GRIN3A: variants seen among roughly 807,000 people sequenced by gnomAD.
The protein encoded by GRIN3A is glutamate receptor ionotropic, NMDA 3A.
A neutral mutation model predicts 92.4 loss-of-function variants in GRIN3A; 47 were observed. That is an observed-to-expected ratio of 0.51 (90% CI 0.40 to 0.65). The LOEUF is 0.65. Ranked by LOEUF, GRIN3A falls within the 30% of genes least tolerant of loss-of-function variation. The pLI, the probability that GRIN3A is intolerant of heterozygous loss-of-function variation, is 0.00. For missense variants in GRIN3A, 1,324 were observed against 1,393.1 expected (o/e 0.95, Z 0.79); for synonymous variants, 527 against 540.6 (o/e 0.97, Z 0.35).
chr9:101,692,918 T>C (rs1829638550), intron 1 of GRIN3A, among the ~76,000 whole-genome samples: 2 of 152,180 alleles, frequency 1.3e-5, no homozygotes, highest in African/African-American at 2.4e-5. Flanking sequence ...TGCCCAGAAA[T>C]TGTAATTTAA....
chr9:101,632,128 G>C (rs1316136134), intron 3 of GRIN3A, among the ~76,000 whole-genome samples: 1 of 152,112 alleles, frequency 6.6e-6, no homozygotes, highest in African/African-American at 2.4e-5. Flanking sequence ...CATTTTGCTT[G>C]GTCAGAGCTC....
rs1471810112 is a variant in GRIN3A at position 101,571,505 on chromosome 9, G to T, written c.*1669C>A. On this transcript the variant is annotated 3_prime_UTR_variant, in exon 9 of 9. Coordinates refer to ENST00000361820, the MANE Select transcript of GRIN3A (RefSeq NM_133445.3). ...ATTGTAGGCATTCAAATTGGTTGGG[G>T]GTGGAACAATGAGTCCTGAGAAGAT... 3.9e-5 allele frequency: 6 copies of T among 152,156 alleles called. No homozygotes were observed. Among genetic ancestry groups the T allele is most frequent in the Non-Finnish European group, 8.8e-5 (6 of 68,052 alleles). 9.4% of individuals were successfully genotyped at this position (152,156 alleles called of 1,614,324 possible).
intron 5 of GRIN3A, among the ~76,000 whole-genome samples, chr9:101,622,822 C>T (rs886222992): frequency 3.9e-5 from 6 of 152,004 alleles, no homozygotes; most frequent in African/African-American, 1.5e-4. Flanking sequence ...TTGGGGCCCT[C>T]CCAGTTGTAA....
chr9:101,692,699 T>C (rs890228108), intron 1 of GRIN3A, among the ~76,000 whole-genome samples: 2 of 152,180 alleles, frequency 1.3e-5, no homozygotes, highest in African/African-American at 4.8e-5. Flanking sequence ...CAGAACAGGC[T>C]TTCTACACAG....
intron 3 of GRIN3A, among the ~76,000 whole-genome samples, chr9:101,653,978 C>G (rs1217838114): frequency 1.3e-5 from 2 of 151,656 alleles, no homozygotes; most frequent in Non-Finnish European, 2.9e-5. Context: ...TGGTTAGGAG[C>G]TCTTTCTGGG....
intron 1 of GRIN3A, among the ~76,000 whole-genome samples, chr9:101,728,436 G>A: frequency 6.6e-6 from 1 of 152,078 alleles, no homozygotes; most frequent in Non-Finnish European, 1.5e-5. Context: ...CTATTGTTTG[G>A]AACCGTAGAG....
At chr9:101,610,859 G>T (rs1270079972) in intron 6 of GRIN3A, among the ~76,000 whole-genome samples, 1 of 152,084 alleles carries the variant, frequency 6.6e-6, no homozygotes, top group Non-Finnish European at 1.5e-5. Context: ...AGCACTTTGG[G>T]AGGCCGAGGC....
At chr9:101,694,381 GC>G (rs67722406) in intron 1 of GRIN3A, among the ~76,000 whole-genome samples, 70,747 of 151,962 alleles carry the variant, frequency 0.47, 16,867 homozygotes, top group Non-Finnish European at 0.52. Context: ...ATTCTTCTGA[GC>G]CCCAGGATGA....
At chr9:101,679,885 C>T (rs1224445016) in intron 2 of GRIN3A, among the ~76,000 whole-genome samples, 1 of 152,092 alleles carries the variant, frequency 6.6e-6, no homozygotes, top group Middle Eastern at 3.4e-3. Flanking sequence ...GTCCTTAGGA[C>T]AAGAATGCTT....
intron 3 of GRIN3A, among the ~76,000 whole-genome samples, chr9:101,661,239 T>C (rs1325467729): frequency 1.3e-5 from 2 of 151,886 alleles, no homozygotes; most frequent in Admixed American, 6.6e-5. Context: ...TTGTCTCATG[T>C]CTGAAATATT....
In GRIN3A at chr9:101,738,035, G is replaced by T; in HGVS notation, c.-56C>A. On this transcript the variant is annotated 5_prime_UTR_variant, in exon 1 of 9. Coordinates refer to ENST00000361820, the MANE Select transcript of GRIN3A (RefSeq NM_133445.3). Reference sequence around the variant, plus strand: ...CCTCCTGCGCCCGGCTCGCCCCTCTGCAGCCGCTGCCTGAGGTCTCCGCCT... The same window carrying T: ...CCTCCTGCGCCCGGCTCGCCCCTCTTCAGCCGCTGCCTGAGGTCTCCGCCT... The T allele has an allele frequency of 6.9e-7, 1 of 1,441,500 alleles. No individual in the cohort carries two copies. The highest frequency in any genetic ancestry group is 9.4e-7 in the Non-Finnish European group (1 of 1,062,998). The allele number at this position is 1,441,500 out of a possible 1,614,324, so 89.3% of individuals were successfully genotyped here. A position where few individuals can be genotyped will look rare whatever the true frequency, so the allele number is the denominator to read the frequency against.
intron 1 of GRIN3A, among the ~76,000 whole-genome samples, chr9:101,700,732 G>A (rs1829741925): frequency 6.6e-6 from 1 of 152,054 alleles, no homozygotes; most frequent in Non-Finnish European, 1.5e-5. Flanking sequence ...TTATTTATCT[G>A]CTATCTAAAG....
At chr9:101,613,237 GT>G in intron 6 of GRIN3A, 138 bp downstream of exon 6, 2 of 972,564 alleles carry the variant, frequency 2.1e-6, no homozygotes, top group Admixed American at 4.1e-5. Context: ...TTTGGACAAA[GT>G]AAAAAATAAT....
At chr9:101,697,221 T>C (rs1395549442) in intron 1 of GRIN3A, among the ~76,000 whole-genome samples, 2 of 152,206 alleles carry the variant, frequency 1.3e-5, no homozygotes, top group Non-Finnish European at 2.9e-5. Flanking sequence ...TTGTGATCTA[T>C]TAATTATGAT....
intron 1 of GRIN3A, among the ~76,000 whole-genome samples, chr9:101,687,489 G>A (rs1040985590): frequency 3.3e-5 from 5 of 152,134 alleles, no homozygotes; most frequent in Admixed American, 2.0e-4. Flanking sequence ...GTTTTGTCAA[G>A]CTTGTCTACT....
chr9:101,655,482 A>G (rs1039082750), intron 3 of GRIN3A, among the ~76,000 whole-genome samples: 1 of 151,960 alleles, frequency 6.6e-6, no homozygotes, highest in African/African-American at 2.4e-5. Flanking sequence ...TTCTTCTCAA[A>G]CTACACTCTC....
intron 3 of GRIN3A, among the ~76,000 whole-genome samples, chr9:101,646,586 T>A (rs1471102774): frequency 1.3e-5 from 2 of 150,050 alleles, no homozygotes; most frequent in Admixed American, 1.3e-4. Context: ...GGGATTGTAT[T>A]GAATTTGTAG....
At chr9:101,591,825 C>T (rs1056532840) in intron 6 of GRIN3A, 1 of 152,208 alleles carries the variant, frequency 6.6e-6, no homozygotes, top group African/African-American at 2.4e-5. Flanking sequence ...CCTTAGGTAA[C>T]TATCTTGAGT....
At chr9:101,692,884 C>CCTTA (rs1829638188) in intron 1 of GRIN3A, among the ~76,000 whole-genome samples, 1 of 152,116 alleles carries the variant, frequency 6.6e-6, no homozygotes, top group Non-Finnish European at 1.5e-5. Context: ...ATTAAGGACA[C>CCTTA]AGACAAGCAT....
Sources: allele counts gnomAD v4.1 joint callset (sites outside exome capture counted in the v4.1 genomes callset), GRCh38; gene constraint gnomAD v4.1.1; transcripts MANE v1.5; gene names NCBI Gene and HGNC (gene_info 2026-07-23, HGNC 2026-07-21).